HCN1: variants seen among roughly 807,000 people sequenced by gnomAD.
HCN1 encodes hyperpolarization activated cyclic nucleotide gated potassium channel 1.
HCN1 carries 13 observed loss-of-function variants against 78.9 expected under a neutral mutation model. The ratio of observed to expected loss-of-function variants is 0.16; its 90% CI spans 0.11 to 0.26. The LOEUF (loss-of-function observed/expected upper bound fraction) is 0.26. Ranked by LOEUF, HCN1 falls within the 10% of genes least tolerant of loss-of-function variation. HCN1 has a pLI of 1.00. For missense variants in HCN1, 810 were observed against 1,154.3 expected (o/e 0.70, Z 4.32); for synonymous variants, 552 against 455.5 (o/e 1.21, Z -2.70).
At chr5:45,339,921 AT>A (rs1579822472) in intron 5 of HCN1, among the ~76,000 whole-genome samples, 1 of 151,848 alleles carries the variant, frequency 6.6e-6, no homozygotes, top group African/African-American at 2.4e-5. Context: ...TTATGTATGT[AT>A]TTATTTATTT....
At chr5:45,622,845 C>T (rs1001494278) in intron 2 of HCN1, among the ~76,000 whole-genome samples, 16 of 152,080 alleles carry the variant, frequency 1.1e-4, no homozygotes, top group African/African-American at 2.9e-4. Context: ...ATTATGCTTT[C>T]GTAAGTAGTC....
chr5:45,548,784 T>C (rs374577592), intron 2 of HCN1, among the ~76,000 whole-genome samples: 6 of 152,140 alleles, frequency 3.9e-5, no homozygotes, highest in Admixed American at 2.6e-4. Context: ...AGCTGATAGG[T>C]AACTTCAGCA....
At chr5:45,323,897 T>A (rs1746178850) in intron 5 of HCN1, among the ~76,000 whole-genome samples, 1 of 152,012 alleles carries the variant, frequency 6.6e-6, no homozygotes, top group Non-Finnish European at 1.5e-5. Context: ...GAACTCATCA[T>A]TTTTATAGCT....
intron 2 of HCN1, among the ~76,000 whole-genome samples, chr5:45,567,761 C>G (rs1204686938): frequency 6.6e-6 from 1 of 152,028 alleles, no homozygotes; most frequent in African/African-American, 2.4e-5. Context: ...CTAACTCTGA[C>G]CCTTCACTTG....
At chr5:45,317,862 G>A (rs1190036181) in intron 5 of HCN1, among the ~76,000 whole-genome samples, 11 of 152,114 alleles carry the variant, frequency 7.2e-5, no homozygotes, top group Non-Finnish European at 1.5e-4. Flanking sequence ...AAACCACAAT[G>A]AGATACCATC....
intron 2 of HCN1, among the ~76,000 whole-genome samples, chr5:45,524,575 C>T (rs1411480422): frequency 6.6e-6 from 1 of 152,104 alleles, no homozygotes; most frequent in Non-Finnish European, 1.5e-5. Context: ...TCCTTCATGT[C>T]CCTTGTAAGT....
chr5:45,457,579 T>A (rs1175592806), intron 3 of HCN1, among the ~76,000 whole-genome samples: 1 of 152,168 alleles, frequency 6.6e-6, no homozygotes, highest in African/African-American at 2.4e-5. Flanking sequence ...TCAATTTAAG[T>A]AGCCTGCACT....
At chr5:45,384,636 GA>G (rs565776564) in intron 4 of HCN1, among the ~76,000 whole-genome samples, 81 of 152,106 alleles carry the variant, frequency 5.3e-4, no homozygotes, top group African/African-American at 1.9e-3. Context: ...TTTACGGATG[GA>G]AAAAAATCTT....
chr5:45,307,981 A>G (rs959732352), intron 5 of HCN1, among the ~76,000 whole-genome samples: 6 of 152,042 alleles, frequency 3.9e-5, no homozygotes, highest in African/African-American at 1.4e-4. Flanking sequence ...CTCATGCTGG[A>G]ATTTGACCCA....
At chr5:45,449,482 G>C in intron 3 of HCN1, among the ~76,000 whole-genome samples, 1 of 152,186 alleles carries the variant, frequency 6.6e-6, no homozygotes. Context: ...CTCATCAGTC[G>C]TCTGCTTTAA....
chr5:45,598,654 T>G (rs1179259379), intron 2 of HCN1, among the ~76,000 whole-genome samples: 1 of 152,196 alleles, frequency 6.6e-6, no homozygotes, highest in Non-Finnish European at 1.5e-5. Context: ...AAGAAAATTT[T>G]TGCAATCTGC....
At chr5:45,340,543 T>C (rs550095605) in intron 5 of HCN1, among the ~76,000 whole-genome samples, 1 of 152,312 alleles carries the variant, frequency 6.6e-6, no homozygotes, top group African/African-American at 2.4e-5. Context: ...CACTCTACTT[T>C]GAACCTCTCC....
chr5:45,688,340 C>G (rs943052642), intron 1 of HCN1, among the ~76,000 whole-genome samples: 1 of 152,072 alleles, frequency 6.6e-6, no homozygotes, highest in African/African-American at 2.4e-5. Flanking sequence ...ATTCCTGGCC[C>G]AGTTCTTACT....
chr5:45,393,199 A>G (rs899970055), intron 4 of HCN1, among the ~76,000 whole-genome samples: 2 of 152,336 alleles, frequency 1.3e-5, no homozygotes, highest in African/African-American at 4.8e-5. Flanking sequence ...ATGTATATCA[A>G]GTATACCAAG....
chr5:45,652,814 C>G (rs938465168), intron 1 of HCN1, among the ~76,000 whole-genome samples: 2 of 151,884 alleles, frequency 1.3e-5, no homozygotes, highest in Non-Finnish European at 2.9e-5. Context: ...ATGTCCCTGA[C>G]TCTTCTCTCT....
chr5:45,574,092 C>A (rs967713805), intron 2 of HCN1, among the ~76,000 whole-genome samples: 9 of 152,002 alleles, frequency 5.9e-5, no homozygotes, highest in Non-Finnish European at 2.9e-5. Context: ...TTTTTCCTAT[C>A]CTATCCACAA....
chr5:45,563,223 G>A (rs1031272956), intron 2 of HCN1, among the ~76,000 whole-genome samples: 8 of 152,152 alleles, frequency 5.3e-5, no homozygotes, highest in Admixed American at 2.0e-4. Flanking sequence ...GCCGAGGTGG[G>A]TGGATCACCT....
chr5:45,521,528 T>C (rs981312828), intron 2 of HCN1, among the ~76,000 whole-genome samples: 1 of 151,978 alleles, frequency 6.6e-6, no homozygotes, highest in African/African-American at 2.4e-5. Context: ...TGTCTTTTCA[T>C]ATCATCTTCC....
intron 1 of HCN1, among the ~76,000 whole-genome samples, chr5:45,669,332 G>A (rs1746108113): frequency 6.6e-6 from 1 of 151,800 alleles, no homozygotes. Context: ...TAACTCTCAG[G>A]TCTTATGCCA....
Sources: gnomAD v4.1 joint callset for allele counts (sites outside exome capture counted in the v4.1 genomes callset) on GRCh38, gnomAD v4.1.1 for gene constraint, MANE v1.5 for transcripts, NCBI Gene and HGNC (gene_info 2026-07-23, HGNC 2026-07-21) for gene names.